The following TMEM132B variants were observed in gnomAD, a reference collection of about 807,000 sequenced individuals.
TMEM132B encodes transmembrane protein 132B.
TMEM132B carries 18 observed loss-of-function variants against 90.8 expected under a neutral mutation model. That is an observed-to-expected ratio of 0.20 (90% confidence interval 0.14 to 0.29). The LOEUF (loss-of-function observed/expected upper bound fraction) is 0.29, where lower values mean the gene tolerates loss of function less well. Ranked by LOEUF, TMEM132B falls within the 10% of genes least tolerant of loss-of-function variation. TMEM132B has a pLI of 1.00. For synonymous variants in TMEM132B, 504 were observed against 523.3 expected (o/e 0.96, Z 0.50); for missense variants, 1,096 against 1,326.8 (o/e 0.83, Z 2.70).
At chr12:125,271,562 G>A (rs1347138002) in intron 1 of TMEM132B, among the ~76,000 whole-genome samples, 1 of 149,764 alleles carries the variant, frequency 6.7e-6, no homozygotes, top group African/African-American at 2.6e-5. Flanking sequence ...ATCTGAAGGT[G>A]GTACTTGGCT....
chr12:125,637,129 T>A (rs1330461201), intron 5 of TMEM132B, among the ~76,000 whole-genome samples: 3 of 152,186 alleles, frequency 2.0e-5, no homozygotes, highest in Admixed American at 6.5e-5. Context: ...TATTAATTTG[T>A]AGTTTGATAA....
At chr12:125,262,976 A>C (rs1034639288) in intron 1 of TMEM132B, among the ~76,000 whole-genome samples, 1 of 152,198 alleles carries the variant, frequency 6.6e-6, no homozygotes, top group Admixed American at 6.6e-5. Flanking sequence ...CCCCTTGAGC[A>C]TGGAGTGGAT....
intron 2 of TMEM132B, among the ~76,000 whole-genome samples, chr12:125,378,110 A>G (rs2136281412): frequency 6.6e-6 from 1 of 152,210 alleles, no homozygotes; most frequent in African/African-American, 2.4e-5. Flanking sequence ...GGTGACACTG[A>G]GTATGGAGTG....
At chr12:125,310,925 G>C (rs1876107854) in intron 1 of TMEM132B, among the ~76,000 whole-genome samples, 1 of 152,194 alleles carries the variant, frequency 6.6e-6, no homozygotes, top group Non-Finnish European at 1.5e-5. Flanking sequence ...CACATCAAGT[G>C]GCCCATCACT....
rs750994431 is a variant in TMEM132B at position 125,246,417 on chromosome 12, G to A, written c.67+59551G>A. ...TGAGGAAGTCAGCTTCCTGGGCTGC[G>A]TCTCTCATCTTGTTTATTAACATGC... On this transcript the variant is annotated intron_variant, in intron 1 of 8. Transcript: ENST00000682704. The surrounding 1 kb of genome is among the most constrained non-coding windows in gnomAD (Gnocchi z 4.2). Among the ~76,000 whole-genome samples the A allele has an allele frequency of 1.3e-5, 2 of 152,182 alleles. No individual in the cohort carries two copies. Among genetic ancestry groups the A allele is most frequent in the East Asian group, 1.9e-4 (1 of 5,190 alleles).
At chr12:125,316,741 C>A (rs1192029823) in intron 1 of TMEM132B, among the ~76,000 whole-genome samples, 1 of 152,152 alleles carries the variant, frequency 6.6e-6, no homozygotes, top group Non-Finnish European at 1.5e-5. Flanking sequence ...CCACTAGACA[C>A]AAAGTGGGGG....
chr12:125,455,567 C>T (rs1300097754), intron 3 of TMEM132B, among the ~76,000 whole-genome samples: 1 of 151,806 alleles, frequency 6.6e-6, no homozygotes, highest in Non-Finnish European at 1.5e-5. Context: ...GGGGCAGTGT[C>T]TTTATTCTTT....
chr12:125,349,485 A>C lies in TMEM132B; in HGVS notation c.101A>C (p.Gln34Pro). 6.2e-7 allele frequency: 1 copy of C among 1,613,578 alleles called. No homozygotes were observed. The highest frequency in any genetic ancestry group is 1.1e-5 in the South Asian group (1 of 90,990). The change falls in exon 2 of 9, where the codon CAG becomes CCG. Residue 34 changes from glutamine to proline, a missense_variant. Gln to Pro is a moderately conservative substitution (Grantham distance 76). Transcript: ENST00000682704. The surrounding 1 kb of genome is among the most constrained non-coding windows in gnomAD (Gnocchi z 4.1). ...AGTCGAGGGATTGTGGATAGCCTGC[A>C]GAAGTTTTCCTCGCTCCCTGCTTAC... The part of the protein sequence containing the change: ...TESRGIVDSL[Q>P]KFSSLPAYLP...
intron 4 of TMEM132B, among the ~76,000 whole-genome samples, chr12:125,529,702 AG>A (rs1277185340): frequency 6.6e-6 from 1 of 152,198 alleles, no homozygotes; most frequent in East Asian, 1.9e-4. Flanking sequence ...CATAAGTAGG[AG>A]GGCATTTTAG....
chr12:125,622,889 A>G (rs1247969459), intron 5 of TMEM132B, among the ~76,000 whole-genome samples: 1 of 152,214 alleles, frequency 6.6e-6, no homozygotes, highest in African/African-American at 2.4e-5. Context: ...ATAAATTTTT[A>G]TAGTTTCAAA....
intron 3 of TMEM132B, among the ~76,000 whole-genome samples, chr12:125,495,539 C>T (rs1882540214): frequency 6.6e-6 from 1 of 152,180 alleles, no homozygotes; most frequent in Non-Finnish European, 1.5e-5. Context: ...TATTATTTCT[C>T]TTATTCATTG....
At chr12:125,356,021 A>G (rs1262943723) in intron 2 of TMEM132B, among the ~76,000 whole-genome samples, 1 of 152,156 alleles carries the variant, frequency 6.6e-6, no homozygotes, top group Admixed American at 6.5e-5. Context: ...GTGGCAGGGA[A>G]GTGCCAGGCT....
rs994387757 is a variant in TMEM132B at position 125,490,642 on chromosome 12, G to A, written c.1107-28797G>A. 2.6e-5 allele frequency among the ~76,000 whole-genome samples: 4 copies of A among 151,844 alleles called. No homozygotes were observed. On this transcript the variant is annotated intron_variant, in intron 3 of 8. Coordinates refer to ENST00000682704, the MANE Select transcript of TMEM132B (RefSeq NM_001366854.1). The surrounding 1 kb of genome is among the most constrained non-coding windows in gnomAD (Gnocchi z 4.2). ...CACGCCTGGCTAATTTTTTGTGTGT[G>A]TTTTTAGTAGAGATGGGGTTTCACT...
chr12:125,198,643 G>A (rs1300338953), intron 1 of TMEM132B, among the ~76,000 whole-genome samples: 1 of 152,214 alleles, frequency 6.6e-6, no homozygotes, highest in South Asian at 2.1e-4. Context: ...TTCTGGAACT[G>A]GAATTAGAAC....
chr12:125,512,342 T>C (rs1883003130), intron 3 of TMEM132B, among the ~76,000 whole-genome samples: 1 of 152,216 alleles, frequency 6.6e-6, no homozygotes, highest in Admixed American at 6.5e-5. Context: ...AGATTCTCCA[T>C]ATTTAAAAAT....
intron 4 of TMEM132B, among the ~76,000 whole-genome samples, chr12:125,577,920 C>T (rs1420726579): frequency 4.6e-5 from 7 of 152,040 alleles, no homozygotes; most frequent in Admixed American, 2.6e-4. Context: ...TCTTAATTTC[C>T]ACCCTATCCT....
chr12:125,394,740 G>T (rs1483973265), intron 2 of TMEM132B, among the ~76,000 whole-genome samples: 1 of 152,160 alleles, frequency 6.6e-6, no homozygotes, highest in East Asian at 1.9e-4. Context: ...AATAAGTCTG[G>T]GGATCATCAT....
At chr12:125,325,668 CCTGTGTGTGTGTGTGTGTGTGTGTGTGT>C (rs1876542326) in intron 1 of TMEM132B, among the ~76,000 whole-genome samples, 2 of 139,470 alleles carry the variant, frequency 1.4e-5, no homozygotes, top group African/African-American at 2.7e-5. Flanking sequence ...TGCCTCCCAC[CCTGTGTGTGTGTGTGTGTGTGTGTGTGT>C]GTGTGTGTGT....
chr12:125,319,574 A>G (rs1368566101), intron 1 of TMEM132B, among the ~76,000 whole-genome samples: 5 of 152,050 alleles, frequency 3.3e-5, no homozygotes, highest in Non-Finnish European at 7.4e-5. Context: ...TACCCTCCCT[A>G]TCCTGCTGAG....
Sources: gnomAD v4.1 joint callset for allele counts (sites outside exome capture counted in the v4.1 genomes callset) on GRCh38, gnomAD v4.1.1 for gene constraint, Gnocchi (gnomAD v3.1) non-coding constraint, MANE v1.5 for transcripts, NCBI Gene and HGNC (gene_info 2026-07-23, HGNC 2026-07-21) for gene names.